ZNF665: variants seen among roughly 807,000 people sequenced by gnomAD.
The protein encoded by ZNF665 is zinc finger protein 665.
In ZNF665, 6 loss-of-function variants were observed where a neutral mutation model predicts 7.9. The ratio of observed to expected loss-of-function variants is 0.76; its 90% CI spans 0.42 to 1.50. ZNF665 has a LOEUF of 1.50. Ranked by LOEUF, ZNF665 falls within the 40% of genes most tolerant of loss-of-function variation. ZNF665 has a pLI of 0.01. For synonymous variants in ZNF665, 242 were observed against 274.5 expected (o/e 0.88, Z 1.17); for missense variants, 819 against 806.7 (o/e 1.02, Z -0.18).
At chr19:53,167,155 C>T (rs867816932) in intron 3 of ZNF665, among the ~76,000 whole-genome samples, 1 of 151,896 alleles carries the variant, frequency 6.6e-6, no homozygotes, top group South Asian at 2.1e-4. Context: ...GCATGCACCA[C>T]CAGGCCAGAC....
chr19:53,182,814 T>C, intron 2 of ZNF665, 70 bp downstream of exon 2: 2 of 1,609,478 alleles, frequency 1.2e-6, no homozygotes, highest in South Asian at 2.2e-5. Flanking sequence ...TCAGAGAAGA[T>C]TCCCAACTCC....
chr19:53,189,541 G>A (rs56680843), intron 1 of ZNF665, among the ~76,000 whole-genome samples: 47,639 of 144,538 alleles, frequency 0.33, 8,900 homozygotes, highest in Middle Eastern at 0.51. Context: ...GACAGCTTAC[G>A]CCATTATTTC....
At chr19:53,177,450 T>C (rs544311358) in intron 2 of ZNF665, among the ~76,000 whole-genome samples, 4 of 150,554 alleles carry the variant, frequency 2.7e-5, no homozygotes, top group Non-Finnish European at 5.9e-5. Flanking sequence ...ATACAAAAAT[T>C]AGCCGGAAAT....
At position 53,165,203 on chromosome 19, in the gene ZNF665, A is replaced by G. The variant is rs1281025937; in HGVS notation, c.1287T>C (p.Pro429=). 2 of 1,613,964 alleles carry G rather than the reference A, an allele frequency of 1.2e-6. No homozygotes were observed. The highest frequency in any genetic ancestry group is 2.7e-5 in the African/African-American group (2 of 74,888). The change falls in exon 4 of 4, where the codon CCT becomes CCC. Residue 429 remains proline (P), a synonymous_variant. Coordinates refer to ENST00000396424, the MANE Select transcript of ZNF665 (RefSeq NM_024733.5). ...NHRRIHTGEK[P]YRCDECGKAF... The stretch of plus-strand genomic sequence containing the variant: ...CTTTGCCACACTCATCACACCTGTA[A>G]GGTTTCTCTCCAGTATGAATTCTTC...
chr19:53,175,333 AACAGG>A (rs1381149674), intron 3 of ZNF665, 107 bp downstream of exon 3: 2 of 1,347,546 alleles, frequency 1.5e-6, no homozygotes, highest in Non-Finnish European at 2.0e-6. Context: ...TTTATGAGTC[AACAGG>A]ACATCAATCC....
intron 2 of ZNF665, 133 bp from the exon 3 acceptor site, chr19:53,175,704 C>T (rs970496623): frequency 1.5e-5 from 15 of 1,000,222 alleles, no homozygotes; most frequent in African/African-American, 3.3e-5. Context: ...GCTGTGATCA[C>T]GGTACATACA....
intron 2 of ZNF665, among the ~76,000 whole-genome samples, chr19:53,176,196 T>C (rs565605482): frequency 2.6e-5 from 4 of 151,954 alleles, no homozygotes; most frequent in African/African-American, 9.7e-5. Flanking sequence ...AAATAAAAGA[T>C]TACAGGGTTG....
At chr19:53,180,484 A>C (rs1042461083) in intron 2 of ZNF665, among the ~76,000 whole-genome samples, 1 of 152,176 alleles carries the variant, frequency 6.6e-6, no homozygotes, top group Non-Finnish European at 1.5e-5. Context: ...AAAATATTTA[A>C]AATATGATTT....
chr19:53,189,051 CTGTGTG>C (rs60689265), intron 1 of ZNF665, among the ~76,000 whole-genome samples: 8 of 137,754 alleles, frequency 5.8e-5, no homozygotes, highest in South Asian at 2.6e-4. Flanking sequence ...GCTTTATTTT[CTGTGTG>C]TGTGTGTGTG....
chr19:53,191,892 G>A (rs796261378), intron 1 of ZNF665: 15 of 152,238 alleles, frequency 9.9e-5, no homozygotes, highest in African/African-American at 3.4e-4. Context: ...AATATATCAC[G>A]ATGTAATTAT....
intron 3 of ZNF665, among the ~76,000 whole-genome samples, chr19:53,167,693 A>G (rs1335308367): frequency 2.5e-4 from 36 of 146,356 alleles, no homozygotes; most frequent in African/African-American, 7.0e-4. Context: ...TGATCCACCC[A>G]CCTCAGCCTC....
chr19:53,168,673 C>T (rs2090635822), intron 3 of ZNF665, among the ~76,000 whole-genome samples: 1 of 152,120 alleles, frequency 6.6e-6, no homozygotes, highest in African/African-American at 2.4e-5. Flanking sequence ...AAAGTTGTAA[C>T]ACTATCACTA....
chr19:53,173,528 C>A (rs2090674791), intron 3 of ZNF665, among the ~76,000 whole-genome samples: 1 of 151,804 alleles, frequency 6.6e-6, no homozygotes, highest in Non-Finnish European at 1.5e-5. Flanking sequence ...GTGTGCACCA[C>A]CATGCCTGGC....
At chr19:53,192,562 C>A (rs1045805653) in intron 1 of ZNF665, among the ~76,000 whole-genome samples, 1 of 152,208 alleles carries the variant, frequency 6.6e-6, no homozygotes, top group Non-Finnish European at 1.5e-5. Flanking sequence ...AATCCTGACC[C>A]ATCCTCTACT....
intron 3 of ZNF665, among the ~76,000 whole-genome samples, chr19:53,166,634 A>G (rs1272226094): frequency 6.6e-6 from 1 of 152,220 alleles, no homozygotes; most frequent in Non-Finnish European, 1.5e-5. Flanking sequence ...TTTTTCAACC[A>G]TGACCCAAGG....
In ZNF665 at chr19:53,169,499, TA is replaced by T. The variant is rs869044092; in HGVS notation, c.143-3153del. The stretch of plus-strand genomic sequence containing the variant: ...CTTTGGAAAATAGGTTGGATGGCTT[TA>T]AAAAAAATTTTTTTAATGGAAATAT... On this transcript the variant is annotated intron_variant, in intron 3 of 3. Coordinates refer to ENST00000396424, the MANE Select transcript of ZNF665 (RefSeq NM_024733.5). Among the ~76,000 whole-genome samples the T allele has an allele frequency of 2.0e-3, 299 of 152,236 alleles. 1 individual carries two copies. Among genetic ancestry groups the T allele is most frequent in the Non-Finnish European group, 2.6e-3 (174 of 68,024 alleles).
At chr19:53,177,746 C>T (rs1005102416) in intron 2 of ZNF665, among the ~76,000 whole-genome samples, 4 of 152,066 alleles carry the variant, frequency 2.6e-5, no homozygotes, top group African/African-American at 7.2e-5. Flanking sequence ...ATGATGAGAG[C>T]AATAGCAATG....
chr19:53,172,619 GT>G (rs1281600768), intron 3 of ZNF665, among the ~76,000 whole-genome samples: 1 of 152,078 alleles, frequency 6.6e-6, no homozygotes, highest in Non-Finnish European at 1.5e-5. Flanking sequence ...GAGACCAGGG[GT>G]TTGAGACCAG....
At position 53,166,219 on chromosome 19, in the gene ZNF665, C is replaced by T. The variant is rs181753585; in HGVS notation, c.271G>A (p.Val91Ile). Residue 91 changes from valine (V) to isoleucine (I), a missense_variant, in exon 4 of 4, where the codon GTT becomes ATT. By Grantham distance (29) the Val-to-Ile change is conservative (BLOSUM62 3). Coordinates refer to ENST00000396424, the MANE Select transcript of ZNF665 (RefSeq NM_024733.5). ...TCAAAGTCGTATGTATTTTTCTGAA[C>T]TTCCTGGAAGGACAAGCCTACAGTG... ...CDTVGLSFQE[V>I]QKNTYDFECQ... 1.7e-4 allele frequency: 270 copies of T among 1,613,954 alleles called. 1 individual carries two copies. In the African/African-American group the frequency reaches 3.2e-3, roughly 19 times the overall value.
Sources: gnomAD v4.1 joint callset for allele counts (sites outside exome capture counted in the v4.1 genomes callset) on GRCh38, gnomAD v4.1.1 for gene constraint, MANE v1.5 for transcripts, NCBI Gene and HGNC (gene_info 2026-07-23, HGNC 2026-07-21) for gene names.